KIF18B: variants seen among roughly 807,000 people sequenced by gnomAD.
KIF18B encodes the protein kinesin family member 18B, also known as kinesin-like protein KIF18B.
KIF18B carries 49 observed loss-of-function variants against 80.9 expected under a neutral mutation model. The ratio of observed to expected loss-of-function variants is 0.61; its 90% CI spans 0.48 to 0.77. The LOEUF is 0.77. KIF18B is among the 30% of genes least tolerant of loss of function. The pLI, the probability that KIF18B is intolerant of heterozygous loss-of-function variation, is 0.00. For missense variants in KIF18B, 994 were observed against 1,127.7 expected, an observed-to-expected ratio of 0.88 and a Z score of 1.70; for synonymous variants, 439 against 463.9, an observed-to-expected ratio of 0.95 and a Z score of 0.69.
rs781348504 is a variant in KIF18B at position 44,939,366 on chromosome 17, C to CAAAAAAA, written c.-14-3015_-14-3009dup. On this transcript the variant is annotated intron_variant, in intron 1 of 15. Transcript: ENST00000593135. ...AGCCTGGGTGACAGAGACTCCATCT[C>CAAAAAAA]AAAAAAAAAAAAAAAAAAAAAAAAA... Among the ~76,000 whole-genome samples the CAAAAAAA allele has an allele frequency of 4.3e-4, 16 of 36,932 alleles. 1 individual carries two copies. Among genetic ancestry groups the CAAAAAAA allele is most frequent in the East Asian group, 2.0e-3 (2 of 1,008 alleles). The allele number at this position is 36,932 out of a possible 152,430, so 24.2% of individuals were successfully genotyped here. A position where few individuals can be genotyped will look rare whatever the true frequency, so the allele number is the denominator to read the frequency against.
intron 10 of KIF18B, 70 bp downstream of exon 10, chr17:44,931,986 G>A (rs1409070790): frequency 2.7e-6 from 4 of 1,508,972 alleles, no homozygotes; most frequent in Non-Finnish European, 3.6e-6. Context: ...GTCAGGGAGA[G>A]GCAATTTTTC....
chr17:44,938,691 G>C (rs1316589477), intron 1 of KIF18B, among the ~76,000 whole-genome samples: 2 of 152,100 alleles, frequency 1.3e-5, no homozygotes, highest in East Asian at 1.9e-4. Flanking sequence ...TTATCGAATA[G>C]TGCATTCTTC....
chr17:44,936,658 G>A (rs1179710212), intron 1 of KIF18B, among the ~76,000 whole-genome samples: 3 of 30,884 alleles, frequency 9.7e-5, no homozygotes, highest in Admixed American at 5.0e-4. Context: ...TTTTTTTTTT[G>A]AGACGGACTC....
At position 44,927,919 on chromosome 17, in the gene KIF18B, C is replaced by G. The variant is rs540433698; in HGVS notation, c.2276+107G>C. 175 of 1,016,918 alleles carry G rather than the reference C, an allele frequency of 1.7e-4. No homozygotes were observed. The highest frequency in any genetic ancestry group is 2.3e-4 in the Non-Finnish European group (170 of 729,162). The allele number at this position is 1,016,918 out of a possible 1,614,324, so 63.0% of individuals were successfully genotyped here. A position where few individuals can be genotyped will look rare whatever the true frequency, so the allele number is the denominator to read the frequency against. ...ACAACCAAAGTGGAACAGATAGGAA[C>G]CGTCCCAGCTCCAAGGCTGTCCTCC... On this transcript the variant is annotated intron_variant, in intron 13 of 15. Coordinates refer to ENST00000593135, the MANE Select transcript of KIF18B (RefSeq NM_001265577.2). The surrounding 1 kb of genome is among the most constrained non-coding windows in gnomAD (Gnocchi z 4.1).
At chr17:44,930,220 G>A (rs987656686) in intron 11 of KIF18B, among the ~76,000 whole-genome samples, 1 of 152,238 alleles carries the variant, frequency 6.6e-6, no homozygotes, top group African/African-American at 2.4e-5. Context: ...AAGCATGGGC[G>A]TTTGGGGGAA....
intron 1 of KIF18B, among the ~76,000 whole-genome samples, chr17:44,946,448 T>C (rs2052513953): frequency 6.6e-6 from 1 of 152,188 alleles, no homozygotes; most frequent in Non-Finnish European, 1.5e-5. Flanking sequence ...GAGAAAGCAA[T>C]ATAACATTGA....
chr17:44,931,957 G>T, intron 10 of KIF18B, 99 bp downstream of exon 10: 1 of 1,324,862 alleles, frequency 7.5e-7, no homozygotes, highest in Non-Finnish European at 1.0e-6. Flanking sequence ...ACATAGAGAC[G>T]GGACTAAAGG....
Position 44,934,004 on chromosome 17 carries a change from G to T in KIF18B, c.981C>A (p.Ala327=). The T allele has an allele frequency of 6.2e-7, 1 of 1,609,712 alleles. No individual in the cohort carries two copies. The highest frequency in any genetic ancestry group is 1.3e-5 in the African/African-American group (1 of 74,996). The stretch of plus-strand genomic sequence containing the variant: ...CGTAGGTCAGGCTGGAGGGGCTGAT[G>T]GCAGCGATCATCACTGTGCGGCAGT... ...GGNCRTVMIA[A]ISPSSLTYED... is the part of the protein sequence containing the mutation. The change falls in exon 7 of 16, where the codon GCC becomes GCA. Residue 327 remains alanine, a synonymous_variant. Coordinates refer to ENST00000593135, the MANE Select transcript of KIF18B (RefSeq NM_001265577.2). This position sits in a 1 kb window ranked among gnomAD's most constrained non-coding sequence, Gnocchi z 5.4.
chr17:44,929,276 T>A (rs549456779), intron 11 of KIF18B, among the ~76,000 whole-genome samples: 1 of 152,174 alleles, frequency 6.6e-6, no homozygotes, highest in East Asian at 1.9e-4. Context: ...TGTCACCCAC[T>A]AAACACGCCC....
chr17:44,928,418 C>T lies in KIF18B; in HGVS notation c.1884G>A (p.Lys628=), dbSNP rs767059833. ...CCTCCAAGGCGCTTGGTCTCCTCCT[C>T]TTCTTCTCCATGGGCCATCGGGACC... is the stretch of plus-strand genomic sequence containing the variant. ...AQGSRWPMEK[K]RRRPSALEAD... is the part of the protein sequence containing the mutation. Residue 628 remains lysine, a synonymous_variant, in exon 13 of 16, where the codon AAG becomes AAA. Transcript: ENST00000593135. 33 of 1,546,804 alleles carry T rather than the reference C, an allele frequency of 2.1e-5. No homozygotes were observed. The highest frequency in any genetic ancestry group is 1.9e-5 in the Non-Finnish European group (22 of 1,150,554).
At chr17:44,945,680 G>A (rs1439752031) in intron 1 of KIF18B, among the ~76,000 whole-genome samples, 1 of 151,972 alleles carries the variant, frequency 6.6e-6, no homozygotes, top group Admixed American at 6.6e-5. Context: ...CGAGGTGGGT[G>A]GATCACCTGA....
intron 8 of KIF18B, 51 bp from the exon 9 acceptor site, chr17:44,932,824 G>A: frequency 6.3e-7 from 1 of 1,577,880 alleles, no homozygotes; most frequent in East Asian, 2.3e-5. Flanking sequence ...GCACAGGAGG[G>A]GAGGGGCAGA....
intron 12 of KIF18B, 104 bp downstream of exon 12, chr17:44,928,715 G>C: frequency 7.1e-7 from 1 of 1,408,828 alleles, no homozygotes; most frequent in Non-Finnish European, 9.5e-7. Flanking sequence ...GCCTCCTACA[G>C]CAGCAAAACC....
intron 11 of KIF18B, among the ~76,000 whole-genome samples, chr17:44,930,133 A>G (rs1194168161): frequency 1.3e-5 from 2 of 152,232 alleles, no homozygotes; most frequent in African/African-American, 4.8e-5. Context: ...GGCAGGATAT[A>G]AATTAAAATG....
chr17:44,936,616 A>T (rs1189322103), intron 1 of KIF18B, among the ~76,000 whole-genome samples: 1 of 79,786 alleles, frequency 1.3e-5, no homozygotes. Context: ...ATATATATAT[A>T]TATATATATT....
At chr17:44,943,558 C>T (rs567171570) in intron 1 of KIF18B, among the ~76,000 whole-genome samples, 2 of 152,194 alleles carry the variant, frequency 1.3e-5, no homozygotes, top group South Asian at 2.1e-4. Flanking sequence ...TAGTGAGTAT[C>T]CTTGCCCCTT....
In KIF18B at chr17:44,927,074, G is replaced by A. The variant is rs1483942453; in HGVS notation, c.2281C>T (p.Pro761Ser). The change falls in exon 14 of 16, where the codon CCT (proline) becomes TCT (serine). Residue 761 changes from proline to serine, a missense_variant. Physicochemically the swap from Pro to Ser is moderately conservative, Grantham distance 74. Transcript: ENST00000593135. This position sits in a 1 kb window ranked among gnomAD's most constrained non-coding sequence, Gnocchi z 4.1. ...CCCTTCATGGTGAACAGGGGCACAG[G>A]TGCCCTGGGGAGGGAGGACAGGGAA... Reference protein sequence around the residue: ...RLDQPFIPRAPVPLFTMKGPK... With the variant: ...RLDQPFIPRASVPLFTMKGPK... 1.2e-5 allele frequency: 19 copies of A among 1,608,934 alleles called. No homozygotes were observed. Among genetic ancestry groups the A allele is most frequent in the Non-Finnish European group, 1.6e-5 (19 of 1,177,480 alleles).
chr17:44,927,040 G>A lies in KIF18B; in HGVS notation c.2315C>T (p.Pro772Leu). The part of the protein sequence containing the change: ...VPLFTMKGPK[P>L]TSSLPGTSAC... ...AGAGGTCCCAGGGAGGGAAGATGTTGGCTTGGGGCCCTTCATGGTGAACAG... is the reference window on the plus strand; with the variant it reads ...AGAGGTCCCAGGGAGGGAAGATGTTAGCTTGGGGCCCTTCATGGTGAACAG... The change falls in exon 14 of 16, where the codon CCA becomes CTA. Residue 772 changes from proline to leucine, a missense_variant. Pro to Leu is a moderately conservative substitution (Grantham distance 98, BLOSUM62 -3). Transcript: ENST00000593135. The surrounding 1 kb of genome is among the most constrained non-coding windows in gnomAD (Gnocchi z 4.1). 2 of 1,612,918 alleles carry A rather than the reference G, an allele frequency of 1.2e-6. No individual in the cohort carries two copies. The highest frequency in any genetic ancestry group is 1.7e-6 in the Non-Finnish European group (2 of 1,179,482).
intron 2 of KIF18B, 57 bp downstream of exon 2, chr17:44,935,975 T>C (rs2052279070): frequency 1.3e-6 from 2 of 1,515,458 alleles, no homozygotes; most frequent in East Asian, 4.5e-5. Context: ...ATGAAACCCT[T>C]CCCTTAGGAG....
Sources: allele counts gnomAD v4.1 joint callset (sites outside exome capture counted in the v4.1 genomes callset), GRCh38; gene constraint gnomAD v4.1.1; non-coding constraint Gnocchi (gnomAD v3.1); transcripts MANE v1.5; gene names NCBI Gene and HGNC (gene_info 2026-07-23, HGNC 2026-07-21).